The following IL1RAPL1 variants were observed in gnomAD, a reference collection of about 807,000 sequenced individuals.
IL1RAPL1 encodes interleukin-1 receptor accessory protein-like 1.
Under a neutral mutation model 48.4 loss-of-function variants are expected in IL1RAPL1, and 3 were observed. That is an observed-to-expected ratio of 0.06 (90% CI 0.03 to 0.16). The LOEUF (loss-of-function observed/expected upper bound fraction) is 0.16. Ranked by LOEUF, IL1RAPL1 falls within the 10% of genes least tolerant of loss-of-function variation. The pLI, the probability that IL1RAPL1 is intolerant of heterozygous loss-of-function variation, is 1.00. For missense variants in IL1RAPL1, 349 were observed against 530.6 expected, an observed-to-expected ratio of 0.66 and a Z score of 3.36; for synonymous variants, 185 against 187.7, an observed-to-expected ratio of 0.99 and a Z score of 0.12.
At chrX:29,271,043 C>T (rs1284438577) in intron 2 of IL1RAPL1, among the ~76,000 whole-genome samples, 2 of 111,453 alleles carry the variant, frequency 1.8e-5, no homozygotes, top group Non-Finnish European at 3.8e-5. Flanking sequence ...ACCTTGTTAT[C>T]TGTTGTTCTA....
intron 5 of IL1RAPL1, among the ~76,000 whole-genome samples, chrX:29,634,523 T>C (rs1006114727): frequency 1.8e-5 from 2 of 110,793 alleles, no homozygotes; most frequent in Non-Finnish European, 3.8e-5. Flanking sequence ...TCTATGCTTA[T>C]CTACCAGGAC....
rs1189625351 is a variant in IL1RAPL1 at position 28,985,682 on chromosome X, C to A, written c.82+196257C>A. On this transcript the variant is annotated intron_variant, in intron 2 of 10. Coordinates refer to ENST00000378993, the MANE Select transcript of IL1RAPL1 (RefSeq NM_014271.4). ...ATTTTTTTTTTTTTTTTTTTTGAGA[C>A]GGAGTCTCGCTCTGTCGCCCAGGCT... 9.1e-4 allele frequency among the ~76,000 whole-genome samples: 77 copies of A among 84,443 alleles called. 1 individual carries two copies. The highest frequency in any genetic ancestry group is 3.7e-3 in the African/African-American group (77 of 20,964). 73.3% of individuals were successfully genotyped at this position (84,443 alleles called of 115,157 possible).
At chrX:29,856,039 G>A (rs969920587) in intron 6 of IL1RAPL1, among the ~76,000 whole-genome samples, 4 of 111,709 alleles carry the variant, frequency 3.6e-5, no homozygotes, top group Non-Finnish European at 5.7e-5. Flanking sequence ...AGAAAAGTGC[G>A]TATACCTACA....
intron 2 of IL1RAPL1, among the ~76,000 whole-genome samples, chrX:28,892,655 G>T (rs996165022): frequency 9.1e-6 from 1 of 110,324 alleles, no homozygotes; most frequent in East Asian, 2.9e-4. Context: ...TCGTGGTGGT[G>T]TGGAGAGATA....
At chrX:28,788,212 A>C (rs754218624) in intron 1 of IL1RAPL1, among the ~76,000 whole-genome samples, 1 of 111,902 alleles carries the variant, frequency 8.9e-6, no homozygotes, top group Non-Finnish European at 1.9e-5. Flanking sequence ...TATAGTGGTA[A>C]TCATTTCACA....
At chrX:29,258,019 A>G (rs746000535) in intron 2 of IL1RAPL1, among the ~76,000 whole-genome samples, 1 of 111,615 alleles carries the variant, frequency 9.0e-6, no homozygotes, top group South Asian at 3.7e-4. Flanking sequence ...TTCCCGGATC[A>G]TTTGAAGGTC....
intron 6 of IL1RAPL1, among the ~76,000 whole-genome samples, chrX:29,788,718 A>G (rs150607930): frequency 0.014 from 1,558 of 111,980 alleles, 28 homozygotes; most frequent in African/African-American, 0.048. Flanking sequence ...TATTCATTCT[A>G]CAGTGCTATA....
At chrX:29,233,555 G>A (rs1303218897) in intron 2 of IL1RAPL1, among the ~76,000 whole-genome samples, 1 of 110,950 alleles carries the variant, frequency 9.0e-6, no homozygotes, top group Non-Finnish European at 1.9e-5. Flanking sequence ...TGAGGATTAT[G>A]AGGTCAGGTC....
intron 6 of IL1RAPL1, among the ~76,000 whole-genome samples, chrX:29,740,854 G>T (rs1399187991): frequency 8.9e-6 from 1 of 112,068 alleles, no homozygotes; most frequent in Non-Finnish European, 1.9e-5. Flanking sequence ...TACATTACTT[G>T]CCAACATGAT....
intron 9 of IL1RAPL1, among the ~76,000 whole-genome samples, chrX:29,949,377 A>T: frequency 8.9e-6 from 1 of 112,281 alleles, no homozygotes; most frequent in South Asian, 3.7e-4. Context: ...CAAGTAACCA[A>T]ACAACTAGTT....
chrX:29,538,333 CTTTTCTTTTTT>C (rs1291342066), intron 5 of IL1RAPL1, among the ~76,000 whole-genome samples: 1 of 68,971 alleles, frequency 1.4e-5, no homozygotes, highest in Admixed American at 1.5e-4. Flanking sequence ...TTTTTCTTTT[CTTTTCTTTTTT>C]TTTTTTTTTT....
intron 2 of IL1RAPL1, among the ~76,000 whole-genome samples, chrX:29,281,388 A>G (rs1932199280): frequency 9.0e-6 from 1 of 111,489 alleles, no homozygotes; most frequent in South Asian, 3.8e-4. Context: ...CCCTATGGGG[A>G]CCTGTTGTTT....
intron 6 of IL1RAPL1, among the ~76,000 whole-genome samples, chrX:29,783,159 C>T (rs1929401398): frequency 9.1e-6 from 1 of 110,086 alleles, no homozygotes; most frequent in Non-Finnish European, 1.9e-5. Context: ...CCGCCTCGGC[C>T]TCCCAAAGTG....
chrX:29,072,009 A>G (rs749301020), intron 2 of IL1RAPL1, among the ~76,000 whole-genome samples: 2 of 111,415 alleles, frequency 1.8e-5, no homozygotes, highest in Non-Finnish European at 3.8e-5. Flanking sequence ...GAAGACTTAC[A>G]AGAGACAAGT....
intron 2 of IL1RAPL1, among the ~76,000 whole-genome samples, chrX:29,159,816 A>G (rs1929645779): frequency 8.9e-6 from 1 of 111,794 alleles, no homozygotes; most frequent in African/African-American, 3.2e-5. Flanking sequence ...GGTTCAAGTG[A>G]TTCTCCTGCC....
intron 5 of IL1RAPL1, among the ~76,000 whole-genome samples, chrX:29,530,851 A>C (rs1935604877): frequency 8.9e-6 from 1 of 112,050 alleles, no homozygotes; most frequent in African/African-American, 3.2e-5. Context: ...ATCTGAACTG[A>C]ATTATTATTT....
At chrX:29,596,497 G>A (rs1923555525) in intron 5 of IL1RAPL1, among the ~76,000 whole-genome samples, 1 of 111,911 alleles carries the variant, frequency 8.9e-6, no homozygotes, top group African/African-American at 3.3e-5. Flanking sequence ...CAGCTTTTGT[G>A]AAAGTGGTTG....
At chrX:28,905,032 G>GT (rs1923181332) in intron 2 of IL1RAPL1, among the ~76,000 whole-genome samples, 1 of 111,013 alleles carries the variant, frequency 9.0e-6, no homozygotes, top group African/African-American at 3.3e-5. Flanking sequence ...CTTCTTTGAA[G>GT]TTTATGTTTT....
intron 6 of IL1RAPL1, among the ~76,000 whole-genome samples, chrX:29,702,757 A>T (rs780580240): frequency 8.9e-6 from 1 of 112,533 alleles, no homozygotes; most frequent in South Asian, 3.6e-4. Flanking sequence ...ATTGACTAAA[A>T]CTAATCCTTA....
Sources: allele counts gnomAD v4.1 joint callset (sites outside exome capture counted in the v4.1 genomes callset), GRCh38; gene constraint gnomAD v4.1.1; transcripts MANE v1.5; gene names NCBI Gene and HGNC (gene_info 2026-07-23, HGNC 2026-07-21).